GNG2: variants seen among roughly 807,000 people sequenced by gnomAD.
GNG2 encodes G protein subunit gamma 2, also known as guanine nucleotide-binding protein G(I)/G(S)/G(O) subunit gamma-2.
GNG2 carries 5 observed loss-of-function variants against 5.5 expected under a neutral mutation model. The ratio of observed to expected loss-of-function variants is 0.91; its 90% confidence interval spans 0.48 to 1.92. GNG2 has a LOEUF of 1.92. GNG2 is among the 30% of genes most tolerant of loss of function. The probability of loss-of-function intolerance (pLI) is 0.01; values close to 1 mark genes in which losing one functional copy is unlikely to be tolerated. For missense variants in GNG2, 55 were observed against 88.4 expected (o/e 0.62, Z 1.52); for synonymous variants, 28 against 32.0 (o/e 0.88, Z 0.42).
chr14:51,839,485 T>C (rs1881425529), intron 2 of GNG2, among the ~76,000 whole-genome samples: 1 of 152,144 alleles, frequency 6.6e-6, no homozygotes, highest in African/African-American at 2.4e-5. Context: ...TTTTTGGGAA[T>C]AGAATGTGAG....
rs80237417 is a variant in GNG2 at position 51,945,642 on chromosome 14, A to G, written c.-29-5008A>G. On this transcript the variant is annotated intron_variant, in intron 2 of 3. Coordinates refer to ENST00000556766, the MANE Select transcript of GNG2 (RefSeq NM_053064.5). ...GCACAACAGTATACGTGTATTTAATACCACTGAACTATATGCTTAAAAATG... is the reference window on the plus strand; with the variant it reads ...GCACAACAGTATACGTGTATTTAATGCCACTGAACTATATGCTTAAAAATG... Among the ~76,000 whole-genome samples the G allele has an allele frequency of 2.4e-3, 369 of 152,312 alleles. 8 individuals carry two copies. The South Asian group carries it at 0.035, about 15-fold the overall frequency.
chr14:51,900,978 C>T (rs1054672077), intron 2 of GNG2, among the ~76,000 whole-genome samples: 1 of 152,200 alleles, frequency 6.6e-6, no homozygotes, highest in Non-Finnish European at 1.5e-5. Context: ...TTCCCACACC[C>T]TGCCATATTG....
chr14:51,855,558 C>G (rs1882117727), upstream of GNG2, among the ~76,000 whole-genome samples: 1 of 152,162 alleles, frequency 6.6e-6, no homozygotes, highest in Non-Finnish European at 1.5e-5. Context: ...GCCTGGAATT[C>G]TAGCTTTTCT....
At chr14:51,917,191 T>A (rs1886698172) in intron 2 of GNG2, 1 of 366,672 alleles carries the variant, frequency 2.7e-6, no homozygotes. Context: ...ATATCTCATT[T>A]CTGAAATTTC....
At chr14:51,886,613 C>T (rs190119285) in intron 2 of GNG2, among the ~76,000 whole-genome samples, 2 of 152,284 alleles carry the variant, frequency 1.3e-5, no homozygotes, top group East Asian at 3.9e-4. Flanking sequence ...TTTTCCAGGG[C>T]TCCTATATTA....
chr14:51,910,445 A>G (rs146824120), intron 2 of GNG2, among the ~76,000 whole-genome samples: 1 of 152,328 alleles, frequency 6.6e-6, no homozygotes, highest in African/African-American at 2.4e-5. Flanking sequence ...GCATTTTGAG[A>G]AAAGGAATTC....
intron 2 of GNG2, among the ~76,000 whole-genome samples, chr14:51,935,301 A>G (rs569661235): frequency 1.3e-5 from 2 of 152,136 alleles, no homozygotes; most frequent in East Asian, 3.9e-4. Context: ...CTGGGATTAC[A>G]GGCGTGAGCC....
intron 2 of GNG2, among the ~76,000 whole-genome samples, chr14:51,906,720 G>T (rs933720866): frequency 2.8e-5 from 4 of 142,754 alleles, no homozygotes; most frequent in African/African-American, 7.8e-5. Flanking sequence ...ACATATGTGT[G>T]TAGAATATAT....
At chr14:51,914,841 G>A (rs769022286) in intron 2 of GNG2, among the ~76,000 whole-genome samples, 7 of 151,994 alleles carry the variant, frequency 4.6e-5, no homozygotes, top group Non-Finnish European at 8.8e-5. Context: ...ACTCACTTAC[G>A]CATAACTTTG....
intron 1 of GNG2, among the ~76,000 whole-genome samples, chr14:51,871,399 GA>G (rs1883287551): frequency 6.6e-6 from 1 of 151,296 alleles, no homozygotes. Context: ...CTGAAGTGTA[GA>G]AAAGTAACAT....
At chr14:51,952,155 A>C in intron 3 of GNG2, 1 of 442,536 alleles carries the variant, frequency 2.3e-6, no homozygotes, top group Admixed American at 4.0e-5. Context: ...GAGTGAAGAG[A>C]GAGCTCTTCT....
chr14:51,922,054 T>C (rs1396351096), intron 2 of GNG2, among the ~76,000 whole-genome samples: 2 of 152,232 alleles, frequency 1.3e-5, no homozygotes, highest in African/African-American at 4.8e-5. Context: ...TTATTAAATG[T>C]TTAATAAAGA....
chr14:51,958,753 A>G (rs936857277), intron 3 of GNG2, among the ~76,000 whole-genome samples: 12 of 152,072 alleles, frequency 7.9e-5, no homozygotes, highest in African/African-American at 2.9e-4. Context: ...ATCCTACTTC[A>G]GCTCTGATAT....
At chr14:51,909,573 G>A (rs1322364064) in intron 2 of GNG2, among the ~76,000 whole-genome samples, 3 of 152,190 alleles carry the variant, frequency 2.0e-5, no homozygotes, top group Non-Finnish European at 2.9e-5. Context: ...AGGGCCTGCT[G>A]TAAGATCATA....
At chr14:51,836,880 CAG>C (rs1881345989) in intron 2 of GNG2, among the ~76,000 whole-genome samples, 2 of 112,032 alleles carry the variant, frequency 1.8e-5, no homozygotes, top group Non-Finnish European at 3.6e-5. Context: ...TTTTTTGAGA[CAG>C]AGATTTCCTC....
At position 51,941,461 on chromosome 14, in the gene GNG2, C is replaced by G. The variant is rs185247324; in HGVS notation, c.-29-9189C>G. Among the ~76,000 whole-genome samples, 16 of 152,206 alleles carry G rather than the reference C, an allele frequency of 1.1e-4. No individual in the cohort carries two copies. The East Asian group carries it at 2.7e-3, about 26-fold the overall frequency. ...AATCCTAACTTGTAAATACACAAAA[C>G]AAAATCTCTCAGCACCTACTGCAAA... On this transcript the variant is annotated intron_variant, in intron 2 of 3. Coordinates refer to ENST00000556766, the MANE Select transcript of GNG2 (RefSeq NM_053064.5).
chr14:51,943,834 A>G (rs1382136502), intron 2 of GNG2, among the ~76,000 whole-genome samples: 3 of 152,262 alleles, frequency 2.0e-5, no homozygotes, highest in Admixed American at 6.5e-5. Context: ...TTCATGGATT[A>G]GAAGACAATA....
At chr14:51,909,186 T>C (rs993441527) in intron 2 of GNG2, among the ~76,000 whole-genome samples, 1 of 152,210 alleles carries the variant, frequency 6.6e-6, no homozygotes, top group Non-Finnish European at 1.5e-5. Context: ...GCAAATAGAA[T>C]AACTTTACCA....
At chr14:51,918,825 T>C (rs1394331075) in intron 2 of GNG2, among the ~76,000 whole-genome samples, 2 of 152,150 alleles carry the variant, frequency 1.3e-5, no homozygotes, top group African/African-American at 4.8e-5. Context: ...TTAGAAAATT[T>C]TGTTTTGTTT....
Sources: allele counts gnomAD v4.1 joint callset (sites outside exome capture counted in the v4.1 genomes callset), GRCh38; gene constraint gnomAD v4.1.1; transcripts MANE v1.5; gene names NCBI Gene and HGNC (gene_info 2026-07-23, HGNC 2026-07-21).